Variants in C1QTNF6 observed in about 807,000 individuals in gnomAD.
The protein encoded by C1QTNF6 is complement C1q tumor necrosis factor-related protein 6.
Under a neutral mutation model 20.7 loss-of-function variants are expected in C1QTNF6, and 17 were observed. The observed-to-expected ratio is 0.82, with a 90% confidence interval of 0.56 to 1.23. The LOEUF (loss-of-function observed/expected upper bound fraction) is 1.23. Among genes scored for constraint, C1QTNF6 ranks in the 50% most tolerant of loss-of-function variants. The pLI, the probability that C1QTNF6 is intolerant of heterozygous loss-of-function variation, is 0.00. For missense variants in C1QTNF6, 329 were observed against 389.7 expected (o/e 0.84, Z 1.31); for synonymous variants, 130 against 156.3 (o/e 0.83, Z 1.25).
upstream of C1QTNF6, among the ~76,000 whole-genome samples, chr22:37,189,648 G>T (rs1924683438): frequency 1.3e-5 from 2 of 152,100 alleles, no homozygotes; most frequent in Non-Finnish European, 2.9e-5. Context: ...AGAAAATGTT[G>T]GTGTGTTCAG....
upstream of C1QTNF6, among the ~76,000 whole-genome samples, chr22:37,192,955 C>A (rs1012737140): frequency 6.6e-6 from 1 of 152,126 alleles, no homozygotes; most frequent in Non-Finnish European, 1.5e-5. Context: ...AAAACAGAAC[C>A]CCAAAATTAA....
chr22:37,188,989 C>A (rs1924630205), upstream of C1QTNF6, among the ~76,000 whole-genome samples: 1 of 152,166 alleles, frequency 6.6e-6, no homozygotes, highest in South Asian at 2.1e-4. Context: ...AGGCAGAGCA[C>A]CCCCAAGCAC....
chr22:37,195,558 G>A (rs1468814033), intron 1 of C1QTNF6: 1 of 152,224 alleles, frequency 6.6e-6, no homozygotes, highest in Non-Finnish European at 1.5e-5. Flanking sequence ...ACAGAGTGAA[G>A]TCAAAGCAAG....
chr22:37,183,359 A>G (rs1923972433), intron 2 of C1QTNF6, among the ~76,000 whole-genome samples: 2 of 152,202 alleles, frequency 1.3e-5, no homozygotes, highest in South Asian at 4.1e-4. Flanking sequence ...GTCCTGTGGG[A>G]AAGCACTTTG....
intron 2 of C1QTNF6, among the ~76,000 whole-genome samples, chr22:37,194,711 T>A (rs1325152501): frequency 6.6e-6 from 1 of 152,210 alleles, no homozygotes; most frequent in Non-Finnish European, 1.5e-5. Context: ...CCCCACTCAG[T>A]GCCCAACATC....
chr22:37,198,942 G>A (rs1326426089), upstream of C1QTNF6, among the ~76,000 whole-genome samples: 1 of 152,238 alleles, frequency 6.6e-6, no homozygotes, highest in Non-Finnish European at 1.5e-5. Context: ...TGGGCTTTCA[G>A]GACGTCGGAT....
intron 1 of C1QTNF6, 114 bp downstream of exon 1, chr22:37,188,048 TC>T: frequency 9.1e-7 from 1 of 1,103,322 alleles, no homozygotes; most frequent in Non-Finnish European, 1.3e-6. Context: ...GGAGAGGCTG[TC>T]CCAGTCAGAG....
intron 1 of C1QTNF6, chr22:37,185,824 A>C: frequency 1.0e-6 from 1 of 1,000,022 alleles, no homozygotes. Flanking sequence ...CCAGCTGGCC[A>C]TGGGTGGCAA....
rs1923823542 is a variant in C1QTNF6, at chr22:37,182,174, TGGCCCAGAGGCCCTCA to T, written c.835_*13del. 1 of 1,595,658 alleles carries T rather than the reference TGGCCCAGAGGCCCTCA, an allele frequency of 6.3e-7. No individual in the cohort carries two copies. The highest frequency in any genetic ancestry group is 2.2e-5 in the East Asian group (1 of 44,642). On this transcript the variant is annotated stop_lost and 3_prime_UTR_variant, in exon 3 of 3. Transcript: ENST00000337843. The stretch of plus-strand genomic sequence containing the variant: ...CACCTGAGCTCTCCAGCCGGGAGGG[TGGCCCAGAGGCCCTCA>T]GTCGTCCTCGGCCTTGATGAGGTGG...
chr22:37,184,473 C>CG lies in C1QTNF6; in HGVS notation c.289+744dup, dbSNP rs1302098284. On this transcript the variant is annotated intron_variant, in intron 2 of 2. Transcript: ENST00000337843. This position sits in a 1 kb window ranked among gnomAD's most constrained non-coding sequence, Gnocchi z 4.0. Reference sequence around the variant, plus strand: ...AGCGGGTAGCCAGCCCGCACCTGGACGGCCCTCACCTGGATGCCTTTCACC... The same window carrying CG: ...AGCGGGTAGCCAGCCCGCACCTGGACGGGCCCTCACCTGGATGCCTTTCACC... The CG allele has an allele frequency of 5.6e-6, 4 of 715,678 alleles. No homozygotes were observed. The South Asian group carries it at 5.9e-5, about 11-fold the overall frequency. The allele number at this position is 715,678 out of a possible 1,614,324, so 44.3% of individuals were successfully genotyped here. A position where few individuals can be genotyped will look rare whatever the true frequency, so the allele number is the denominator to read the frequency against.
chr22:37,183,000 G>T, intron 2 of C1QTNF6: 4 of 1,292,676 alleles, frequency 3.1e-6, no homozygotes, highest in South Asian at 3.8e-5. Flanking sequence ...TTAAAATATG[G>T]TCTGTCCCCA....
At chr22:37,185,056 C>G (rs149410366) in intron 2 of C1QTNF6, among the ~76,000 whole-genome samples, 162 bp downstream of exon 2, 1 of 151,952 alleles carries the variant, frequency 6.6e-6, no homozygotes, top group South Asian at 2.1e-4. Context: ...GGTTTGTTCA[C>G]GCTCCGTCAT....
chr22:37,181,121 G>C lies in C1QTNF6; in HGVS notation c.*1067C>G, dbSNP rs944800110. The C allele has an allele frequency of 6.6e-6, 1 of 152,470 alleles. No individual in the cohort carries two copies. The highest frequency in any genetic ancestry group is 2.4e-5 in the African/African-American group (1 of 41,462). 9.4% of individuals were successfully genotyped at this position (152,470 alleles called of 1,614,324 possible). A position where few individuals can be genotyped will look rare whatever the true frequency, so the allele number is the denominator to read the frequency against. On this transcript the variant is annotated 3_prime_UTR_variant, in exon 3 of 3. Transcript: ENST00000337843. The stretch of plus-strand genomic sequence containing the variant: ...AGGACCAGCAGCACCTGAACACCCA[G>C]AACACAGGCCCCCATGAGCTCTGGG...
upstream of C1QTNF6, chr22:37,188,319 G>T (rs566719878): frequency 5.9e-6 from 6 of 1,011,332 alleles, no homozygotes; most frequent in African/African-American, 9.9e-5. Context: ...GAGAGAGGGC[G>T]GAGGGAGGGC....
intron 1 of C1QTNF6, 72 bp downstream of exon 1, chr22:37,188,091 A>T: frequency 6.7e-7 from 1 of 1,495,364 alleles, no homozygotes. Context: ...GCTTCCAGGA[A>T]GCAAGGAGGG....
At chr22:37,192,013 TA>T (rs1244419890), upstream of C1QTNF6, among the ~76,000 whole-genome samples, 12 of 149,236 alleles carry the variant, frequency 8.0e-5, no homozygotes, top group Non-Finnish European at 1.6e-4. Flanking sequence ...ATATTTAATT[TA>T]TGGAAAAACT....
chr22:37,194,235 G>A (rs1167998998), intron 2 of C1QTNF6, among the ~76,000 whole-genome samples: 1 of 152,120 alleles, frequency 6.6e-6, no homozygotes, highest in East Asian at 1.9e-4. Flanking sequence ...TTGAATAATG[G>A]GCTTATATGG....
In C1QTNF6 at chr22:37,188,181, C is replaced by G. The variant is rs1393003716; in HGVS notation, c.33G>C (p.Gly11=). The stretch of plus-strand genomic sequence containing the variant: ...CACTCACCCTGTGTCCTGTGGCCTC[C>G]CCAGGCGACTCACGGACCCTGAGCC... MQWLRVRESP[G]EATGHRVTMG... is the part of the protein sequence containing the mutation. Residue 11 remains glycine (G), a synonymous_variant, in exon 1 of 3, where the codon GGG becomes GGC. Transcript: ENST00000337843. 6.2e-7 allele frequency: 1 copy of G among 1,609,938 alleles called. No homozygotes were observed.
At chr22:37,193,129 C>T (rs1388565116), upstream of C1QTNF6, among the ~76,000 whole-genome samples, 3 of 152,170 alleles carry the variant, frequency 2.0e-5, no homozygotes, top group Non-Finnish European at 2.9e-5. Flanking sequence ...AGTATCCCCA[C>T]AAAACTGCCA....
Sources: allele counts gnomAD v4.1 joint callset (sites outside exome capture counted in the v4.1 genomes callset), GRCh38; gene constraint gnomAD v4.1.1; non-coding constraint Gnocchi (gnomAD v3.1); transcripts MANE v1.5; gene names NCBI Gene and HGNC (gene_info 2026-07-23, HGNC 2026-07-21).